ERC1: variants seen among roughly 807,000 people sequenced by gnomAD.
The protein encoded by ERC1 is RAB6 interacting protein 2.
Under a neutral mutation model 132.0 loss-of-function variants are expected in ERC1, and 56 were observed. The observed-to-expected ratio is 0.42, with a 90% CI of 0.34 to 0.53. The LOEUF is 0.53. Ranked by LOEUF, ERC1 falls within the 20% of genes least tolerant of loss-of-function variation. The pLI, the probability that ERC1 is intolerant of heterozygous loss-of-function variation, is 0.03. For missense variants in ERC1, 1,202 were observed against 1,349.9 expected (o/e 0.89, Z 1.72); for synonymous variants, 478 against 476.1 (o/e 1.00, Z -0.05).
At chr12:1,203,993 T>C (rs1426862171) in intron 12 of ERC1, 1 of 152,556 alleles carries the variant, frequency 6.6e-6, no homozygotes, top group African/African-American at 2.4e-5. Context: ...TTCAAGTACA[T>C]TAAAGTTCTG....
intron 12 of ERC1, among the ~76,000 whole-genome samples, chr12:1,228,069 G>C (rs891357599): frequency 6.6e-6 from 1 of 152,154 alleles, no homozygotes. Context: ...TTTGAAATCC[G>C]AAAGTGTGAT....
At chr12:1,400,403 A>T (rs879711918) in intron 16 of ERC1, among the ~76,000 whole-genome samples, 10 of 152,178 alleles carry the variant, frequency 6.6e-5, no homozygotes, top group Non-Finnish European at 1.2e-4. Context: ...TGTTTACAGC[A>T]TAAAATTTTA....
rs1955534156 is a variant in ERC1 at position 1,189,929 on chromosome 12, A to G, written c.2228A>G (p.Glu743Gly). The G allele has an allele frequency of 6.2e-7, 1 of 1,614,006 alleles. No individual in the cohort carries two copies. The highest frequency in any genetic ancestry group is 8.5e-7 in the Non-Finnish European group (1 of 1,180,008). The change falls in exon 12 of 19, where the codon GAG (glutamate) becomes GGG (glycine). Residue 743 changes from glutamate (E) to glycine (G), a missense_variant. Coordinates refer to ENST00000360905, the MANE Select transcript of ERC1 (RefSeq NM_178040.4). ...MSDRIQHLEREITRYKDESSK... is the reference protein window; with the variant it reads ...MSDRIQHLERGITRYKDESSK... Reference sequence around the variant, plus strand: ...GACCGAATACAGCACTTGGAGAGAGAGATCACCAGGTACAAAGATGAATCT... The same window carrying G: ...GACCGAATACAGCACTTGGAGAGAGGGATCACCAGGTACAAAGATGAATCT...
chr12:1,044,866 A>G (rs530519935), intron 2 of ERC1, among the ~76,000 whole-genome samples: 2 of 152,276 alleles, frequency 1.3e-5, no homozygotes, highest in Admixed American at 1.3e-4. Flanking sequence ...ATTTTCAGTT[A>G]CAGTCATATT....
At chr12:1,084,767 C>A (rs890746980) in intron 3 of ERC1, among the ~76,000 whole-genome samples, 2 of 151,912 alleles carry the variant, frequency 1.3e-5, no homozygotes, top group African/African-American at 4.8e-5. Flanking sequence ...TCATGGCTCA[C>A]TGCAGCCTTG....
chr12:1,049,528 A>G (rs1419260839), intron 2 of ERC1, among the ~76,000 whole-genome samples: 1 of 152,108 alleles, frequency 6.6e-6, no homozygotes, highest in Non-Finnish European at 1.5e-5. Flanking sequence ...TTCTAATGTG[A>G]AGTCAAGGTT....
chr12:1,237,242 A>G (rs1337714776), intron 13 of ERC1, among the ~76,000 whole-genome samples: 2 of 152,168 alleles, frequency 1.3e-5, no homozygotes, highest in Non-Finnish European at 2.9e-5. Context: ...ATTCATTAAA[A>G]TGGATTGCTA....
intron 8 of ERC1, among the ~76,000 whole-genome samples, chr12:1,144,085 G>C (rs780700802): frequency 1.3e-5 from 2 of 151,772 alleles, no homozygotes; most frequent in South Asian, 2.1e-4. Context: ...TTCTACTTCT[G>C]TGTACCACAC....
intron 18 of ERC1, among the ~76,000 whole-genome samples, chr12:1,455,937 G>A (rs937698812): frequency 4.6e-5 from 7 of 152,118 alleles, no homozygotes; most frequent in South Asian, 2.1e-4. Context: ...GGGAAAGTTC[G>A]ATATCCACAG....
intron 2 of ERC1, among the ~76,000 whole-genome samples, chr12:1,038,880 A>G (rs1969621347): frequency 6.6e-6 from 1 of 152,310 alleles, no homozygotes; most frequent in Admixed American, 6.5e-5. Flanking sequence ...ATGGAGAAGA[A>G]GGTGCACATC....
At chr12:1,105,932 T>C (rs1324649700) in intron 4 of ERC1, among the ~76,000 whole-genome samples, 2 of 152,204 alleles carry the variant, frequency 1.3e-5, no homozygotes, top group Admixed American at 6.5e-5. Context: ...GTTTTGATCA[T>C]GCATACTTTG....
chr12:1,473,607 G>A (rs1374498593), intron 18 of ERC1, among the ~76,000 whole-genome samples: 6 of 147,468 alleles, frequency 4.1e-5, no homozygotes, highest in Non-Finnish European at 9.0e-5. Context: ...TCCAGCCTGG[G>A]GGACAGAGTG....
chr12:1,196,838 C>CTCTCTCTCTCTCTCTCTG lies in ERC1; in HGVS notation c.2351+6791_2351+6792insCTCTCTCTCTCTGTCTCT, dbSNP rs1555299913. On this transcript the variant is annotated intron_variant, in intron 12 of 18. Transcript: ENST00000360905. The stretch of plus-strand genomic sequence containing the variant: ...TCTCTCTCTCTCTCTCTCTGTCTGT[C>CTCTCTCTCTCTCTCTCTG]TCTCTGTCTGTCTCTCTCTCACTCT... 1.5e-4 allele frequency among the ~76,000 whole-genome samples: 15 copies of CTCTCTCTCTCTCTCTCTG among 99,462 alleles called. 2 individuals carry two copies. Among genetic ancestry groups the CTCTCTCTCTCTCTCTCTG allele is most frequent in the Non-Finnish European group, 2.8e-4 (13 of 47,062 alleles). The allele number at this position is 99,462 out of a possible 152,430, so 65.3% of individuals were successfully genotyped here.
intron 18 of ERC1, among the ~76,000 whole-genome samples, chr12:1,470,725 G>T (rs1023118550): frequency 2.6e-4 from 40 of 152,286 alleles, no homozygotes; most frequent in African/African-American, 9.1e-4. Context: ...TTAAAAATCT[G>T]CCTCACTGGG....
intron 1 of ERC1, 86 bp downstream of exon 1, chr12:991,408 C>G (rs1233054477): frequency 6.5e-6 from 1 of 153,606 alleles, no homozygotes; most frequent in East Asian, 1.9e-4. Flanking sequence ...AGGCTTTCGC[C>G]TTTCCTACCC....
chr12:1,274,742 T>A (rs2078141858), intron 14 of ERC1, among the ~76,000 whole-genome samples: 1 of 152,108 alleles, frequency 6.6e-6, no homozygotes, highest in African/African-American at 2.4e-5. Context: ...CCGCACACCT[T>A]GACCTCCCAA....
chr12:1,463,566 G>A (rs1376194777), intron 18 of ERC1, among the ~76,000 whole-genome samples: 1 of 152,148 alleles, frequency 6.6e-6, no homozygotes, highest in Admixed American at 6.5e-5. Context: ...CCTAAGGGCA[G>A]CATAGTGTGA....
At chr12:1,301,238 C>T (rs1455837548) in intron 15 of ERC1, among the ~76,000 whole-genome samples, 4 of 152,112 alleles carry the variant, frequency 2.6e-5, no homozygotes, top group African/African-American at 9.6e-5. Flanking sequence ...TTAGGTACCA[C>T]GTGTATATAG....
chr12:1,417,804 T>C (rs938338616), intron 17 of ERC1, among the ~76,000 whole-genome samples: 1 of 151,392 alleles, frequency 6.6e-6, no homozygotes, highest in African/African-American at 2.4e-5. Flanking sequence ...AAAAAGATTT[T>C]GGAAAAGAGT....
Sources: allele counts gnomAD v4.1 joint callset (sites outside exome capture counted in the v4.1 genomes callset), GRCh38; gene constraint gnomAD v4.1.1; transcripts MANE v1.5; gene names NCBI Gene and HGNC (gene_info 2026-07-23, HGNC 2026-07-21).